Variants in RAB8A observed in about 807,000 individuals in gnomAD.
RAB8A encodes ras-related protein Rab-8A.
In RAB8A, 5 loss-of-function variants were observed where a neutral mutation model predicts 29.2. The ratio of observed to expected loss-of-function variants is 0.17; its 90% CI spans 0.09 to 0.36. The LOEUF is 0.36. Among genes scored for constraint, RAB8A ranks in the 10% least tolerant of loss-of-function variants. The probability of loss-of-function intolerance (pLI) is 1.00; values close to 1 mark genes in which losing one functional copy is unlikely to be tolerated. For synonymous variants in RAB8A, 108 were observed against 99.9 expected, an observed-to-expected ratio of 1.08 and a Z score of -0.49; for missense variants, 171 against 272.2, an observed-to-expected ratio of 0.63 and a Z score of 2.62.
rs1289197312 is a variant in RAB8A, at chr19:16,132,114, A to ATGGATGGTTAGG, written c.532-78_532-67dup. 1.8e-5 allele frequency: 17 copies of ATGGATGGTTAGG among 958,742 alleles called. No individual in the cohort carries two copies. Among genetic ancestry groups the ATGGATGGTTAGG allele is most frequent in the Non-Finnish European group, 2.5e-5 (15 of 610,298 alleles). 59.4% of individuals were successfully genotyped at this position (958,742 alleles called of 1,614,324 possible). Reference sequence around the variant, plus strand: ...GTTGGTTGGTTGGTTGGATGGTTGGATGGATGGTTAGGTGGATGGTTAGGT... The same window carrying ATGGATGGTTAGG: ...GTTGGTTGGTTGGTTGGATGGTTGGATGGATGGTTAGGTGGATGGTTAGGTGGATGGTTAGGT... On this transcript the variant is annotated intron_variant, in intron 7 of 7. Transcript: ENST00000300935. This position sits in a 1 kb window ranked among gnomAD's most constrained non-coding sequence, Gnocchi z 5.6.
At chr19:16,130,766 T>A (rs1476848993) in intron 7 of RAB8A, among the ~76,000 whole-genome samples, 1 of 152,060 alleles carries the variant, frequency 6.6e-6, no homozygotes, top group Non-Finnish European at 1.5e-5. Context: ...TCCTCCCACC[T>A]CCGCCTCCCA....
chr19:16,113,200 G>T (rs1027811848), intron 1 of RAB8A, among the ~76,000 whole-genome samples: 1 of 152,170 alleles, frequency 6.6e-6, no homozygotes, highest in East Asian at 1.9e-4. Context: ...TGAGTGGCTT[G>T]TGAGCTCTGT....
intron 6 of RAB8A, among the ~76,000 whole-genome samples, chr19:16,129,193 T>C (rs554542291): frequency 1.4e-4 from 21 of 152,172 alleles, no homozygotes; most frequent in Admixed American, 1.3e-4. Flanking sequence ...AACTGCTGGG[T>C]TCCTTTGGAC....
intron 1 of RAB8A, among the ~76,000 whole-genome samples, chr19:16,114,077 G>A (rs954348599): frequency 3.9e-5 from 6 of 151,954 alleles, no homozygotes; most frequent in Admixed American, 1.3e-4. Context: ...AATTCAGCCT[G>A]GGCAACATGG....
intron 6 of RAB8A, among the ~76,000 whole-genome samples, chr19:16,128,963 C>G (rs993866439): frequency 6.6e-6 from 1 of 152,224 alleles, no homozygotes; most frequent in Non-Finnish European, 1.5e-5. Context: ...TGTATGTCCC[C>G]TCCTCAAGGC....
chr19:16,119,785 T>A (rs2090865237), intron 2 of RAB8A, among the ~76,000 whole-genome samples: 1 of 151,010 alleles, frequency 6.6e-6, no homozygotes, highest in Non-Finnish European at 1.5e-5. Context: ...AGGACTGTAG[T>A]TGAAAAAAAA....
Position 16,127,377 on chromosome 19 carries a change from G to A in RAB8A, c.325-60G>A. On this transcript the variant is annotated intron_variant, in intron 4 of 7. Transcript: ENST00000300935. The surrounding 1 kb of genome is among the most constrained non-coding windows in gnomAD (Gnocchi z 4.8). ...ATTTCTGGGGACAGACTGTGTGTTG[G>A]CAGAGGCACCTGGCCTGTGTCATCC... is the stretch of plus-strand genomic sequence containing the variant. The A allele has an allele frequency of 3.5e-6, 4 of 1,144,448 alleles. No homozygotes were observed. Among genetic ancestry groups the A allele is most frequent in the Admixed American group, 3.3e-5 (1 of 30,768 alleles). The allele number at this position is 1,144,448 out of a possible 1,614,324, so 70.9% of individuals were successfully genotyped here.
intron 2 of RAB8A, 30 bp from the exon 3 acceptor site, chr19:16,121,720 G>T: frequency 1.2e-6 from 2 of 1,603,076 alleles, no homozygotes; most frequent in African/African-American, 1.3e-5. Flanking sequence ...TTCCTTTAAT[G>T]TTGCTAATAT....
chr19:16,127,403 G>A lies in RAB8A; in HGVS notation c.325-34G>A, dbSNP rs368342870. On this transcript the variant is annotated intron_variant, in intron 4 of 7. Coordinates refer to ENST00000300935, the MANE Select transcript of RAB8A (RefSeq NM_005370.5). The surrounding 1 kb of genome is among the most constrained non-coding windows in gnomAD (Gnocchi z 4.8). ...CAGAGGCACCTGGCCTGTGTCATCC[G>A]GTCTGATCCCCCGTCTGTCCCCCTC... 101 of 1,389,702 alleles carry A rather than the reference G, an allele frequency of 7.3e-5. No homozygotes were observed. The highest frequency in any genetic ancestry group is 5.4e-5 in the Admixed American group (2 of 36,744). 86.1% of individuals were successfully genotyped at this position (1,389,702 alleles called of 1,614,324 possible).
chr19:16,113,281 C>G (rs959921580), intron 1 of RAB8A, among the ~76,000 whole-genome samples: 1 of 152,198 alleles, frequency 6.6e-6, no homozygotes, highest in Non-Finnish European at 1.5e-5. Context: ...CTCAAGAAAA[C>G]CTAGGGAATG....
rs1277866971 is a variant in RAB8A, at chr19:16,125,632, C to A, written c.324+85C>A. 5 of 1,303,954 alleles carry A rather than the reference C, an allele frequency of 3.8e-6. No individual in the cohort carries two copies. 80.8% of individuals were successfully genotyped at this position (1,303,954 alleles called of 1,614,324 possible). On this transcript the variant is annotated intron_variant, in intron 4 of 7. Transcript: ENST00000300935. This position sits in a 1 kb window ranked among gnomAD's most constrained non-coding sequence, Gnocchi z 5.0. ...GTTTACTCATGAGAAGGCCAAGGTG[C>A]AGAGACACATACAGGCCACTTGCCC...
intron 4 of RAB8A, chr19:16,126,385 C>T (rs944353220): frequency 6.6e-6 from 1 of 152,620 alleles, no homozygotes; most frequent in African/African-American, 2.4e-5. Flanking sequence ...AGAGCCTGGT[C>T]TTTGTGAAAG....
chr19:16,117,665 G>T (rs941265778), intron 1 of RAB8A, among the ~76,000 whole-genome samples: 23 of 152,016 alleles, frequency 1.5e-4, no homozygotes, highest in African/African-American at 4.6e-4. Context: ...GAGAGACAAG[G>T]AAGATGGGGT....
chr19:16,131,347 G>T (rs550582233), intron 7 of RAB8A, among the ~76,000 whole-genome samples: 1 of 152,200 alleles, frequency 6.6e-6, no homozygotes, highest in Non-Finnish European at 1.5e-5. Context: ...TGGATGGATG[G>T]GTAGAAGATA....
intron 1 of RAB8A, among the ~76,000 whole-genome samples, chr19:16,116,684 A>T (rs549999636): frequency 6.6e-6 from 1 of 152,214 alleles, no homozygotes; most frequent in East Asian, 1.9e-4. Context: ...AAAATAGAAA[A>T]ATTAGCTGGG....
chr19:16,126,659 T>C (rs967107461), intron 4 of RAB8A: 2 of 152,126 alleles, frequency 1.3e-5, no homozygotes, highest in African/African-American at 4.8e-5. Flanking sequence ...CGGCCTCGAG[T>C]TGCGACCACC....
chr19:16,114,440 G>T (rs1157896139), intron 1 of RAB8A, among the ~76,000 whole-genome samples: 1 of 140,106 alleles, frequency 7.1e-6, no homozygotes, highest in Non-Finnish European at 1.5e-5. Flanking sequence ...GCAGTGGCGC[G>T]ATCTCGGCTC....
In RAB8A at chr19:16,127,802, C is replaced by A. The variant is rs1180695726; in HGVS notation, c.415-224C>A. 1.3e-5 allele frequency: 8 copies of A among 628,142 alleles called. No homozygotes were observed. The Admixed American group carries it at 2.0e-4, about 16-fold the overall frequency. 38.9% of individuals were successfully genotyped at this position (628,142 alleles called of 1,614,324 possible). A position where few individuals can be genotyped will look rare whatever the true frequency, so the allele number is the denominator to read the frequency against. ...GTTTGATCCCAGCAGGTCCCCGCCACCCTCCCATCTCAGCTGCCATCCCCA... is the reference window on the plus strand; with the variant it reads ...GTTTGATCCCAGCAGGTCCCCGCCAACCTCCCATCTCAGCTGCCATCCCCA... On this transcript the variant is annotated intron_variant, in intron 5 of 7. Transcript: ENST00000300935. The surrounding 1 kb of genome is among the most constrained non-coding windows in gnomAD (Gnocchi z 4.8).
intron 3 of RAB8A, chr19:16,124,598 C>T (rs1046934302): frequency 6.6e-6 from 1 of 152,282 alleles, no homozygotes; most frequent in African/African-American, 2.4e-5. Flanking sequence ...TCCACAAGGA[C>T]ATCGAGAACC....
Sources: gnomAD v4.1 joint callset for allele counts (sites outside exome capture counted in the v4.1 genomes callset) on GRCh38, gnomAD v4.1.1 for gene constraint, Gnocchi (gnomAD v3.1) non-coding constraint, MANE v1.5 for transcripts, NCBI Gene and HGNC (gene_info 2026-07-23, HGNC 2026-07-21) for gene names.